SPATA7: variants seen among roughly 807,000 people sequenced by gnomAD.
SPATA7 encodes spermatogenesis-associated protein 7.
A neutral mutation model predicts 51.8 loss-of-function variants in SPATA7; 43 were observed. The ratio of observed to expected loss-of-function variants is 0.83; its 90% CI spans 0.65 to 1.07. SPATA7 has a LOEUF of 1.07. Ranked by LOEUF, SPATA7 falls within the 50% of genes least tolerant of loss-of-function variation. The pLI is 0.00. For synonymous variants in SPATA7, 230 were observed against 252.8 expected (o/e 0.91, Z 0.86); for missense variants, 683 against 701.3 (o/e 0.97, Z 0.30).
In SPATA7 at chr14:88,387,348, C is replaced by T. The variant is rs557954419; in HGVS notation, c.19+1511C>T. On this transcript the variant is annotated intron_variant, in intron 1 of 11. Transcript: ENST00000393545. The stretch of plus-strand genomic sequence containing the variant: ...TTTACAACTTGCACAATTTAATTAG[C>T]TTCATTTTTAGGAAATAATATATGA... Among the ~76,000 whole-genome samples, 5 of 152,178 alleles carry T rather than the reference C, an allele frequency of 3.3e-5. No individual in the cohort carries two copies. In the South Asian group the frequency reaches 6.2e-4, roughly 19 times the overall value.
At chr14:88,390,810 C>G (rs1014596734) in intron 1 of SPATA7, among the ~76,000 whole-genome samples, 2 of 152,124 alleles carry the variant, frequency 1.3e-5, no homozygotes, top group African/African-American at 4.8e-5. Context: ...AGGTCTTACC[C>G]TCCTTCTTTC....
chr14:88,463,907 G>A (rs2077334255), intron 4 of SPATA7, among the ~76,000 whole-genome samples: 1 of 152,094 alleles, frequency 6.6e-6, no homozygotes, highest in East Asian at 1.9e-4. Flanking sequence ...GAGTGCAGAG[G>A]CGAGATCTCG....
In SPATA7 at chr14:88,385,739, A is replaced by G; in HGVS notation, c.-80A>G. The G allele has an allele frequency of 7.1e-7, 1 of 1,401,522 alleles. No homozygotes were observed. Among genetic ancestry groups the G allele is most frequent in the South Asian group, 1.2e-5 (1 of 82,314 alleles). The allele number at this position is 1,401,522 out of a possible 1,614,324, so 86.8% of individuals were successfully genotyped here. On this transcript the variant is annotated 5_prime_UTR_variant, in exon 1 of 12. Transcript: ENST00000393545. ...GTCGGCTCCTCTTTTCCAGTCCTCC[A>G]CTGCCGGGGCTGGGCCCGGCCGCGG...
downstream of SPATA7, among the ~76,000 whole-genome samples, chr14:88,440,814 C>CTT (rs796854586): frequency 1.3e-5 from 2 of 148,778 alleles, no homozygotes; most frequent in African/African-American, 4.9e-5. Context: ...GCTGCTGCTA[C>CTT]TTTTTTTTTT....
chr14:88,470,068 TA>T lies in SPATA7; in HGVS notation c.*208del. ...ACAGAGACCTGGGATTAGAAAAGGTTAAAAAAATTGATGTGTGGGTATAATA... is the reference window on the plus strand; with the variant it reads ...ACAGAGACCTGGGATTAGAAAAGGTTAAAAAATTGATGTGTGGGTATAATA... On this transcript the variant is annotated 3_prime_UTR_variant, in exon 5 of 5. Coordinates refer to the SPATA7 transcript ENST00000556406. 5 of 1,608,934 alleles carry T rather than the reference TA, an allele frequency of 3.1e-6. 1 individual carries two copies. The highest frequency in any genetic ancestry group is 3.4e-6 in the Non-Finnish European group (4 of 1,175,620).
Position 88,426,645 on chromosome 14 carries a change from C to T in SPATA7, c.786C>T (p.Ala262=). 6.2e-7 allele frequency: 1 copy of T among 1,612,646 alleles called. No homozygotes were observed. Among genetic ancestry groups the T allele is most frequent in the Non-Finnish European group, 8.5e-7 (1 of 1,179,604 alleles). The part of the protein sequence containing the change: ...FLSQYRYYTP[A]KRKKDFTDQR... ...CACAGTATCGCTATTATACACCTGC[C>T]AAAAGAAAAAAGGATTTTACAGATC... is the stretch of plus-strand genomic sequence containing the variant. The change falls in exon 6 of 12, where the codon GCC becomes GCT. Residue 262 remains alanine (A), a synonymous_variant. Transcript: ENST00000393545.
intron 4 of SPATA7, among the ~76,000 whole-genome samples, chr14:88,414,177 C>G (rs1406318918): frequency 6.6e-6 from 1 of 152,092 alleles, no homozygotes. Flanking sequence ...GGCTGTGAAT[C>G]TCTCTGGTCC....
chr14:88,391,800 AG>A (rs1294717377), intron 2 of SPATA7: 1 of 294,086 alleles, frequency 3.4e-6, no homozygotes, highest in African/African-American at 2.2e-5. Context: ...GAAAAGGAAA[AG>A]CTGTGCAGAG....
At chr14:88,440,414 G>T (rs921765725), downstream of SPATA7, among the ~76,000 whole-genome samples, 1 of 152,200 alleles carries the variant, frequency 6.6e-6, no homozygotes. Context: ...TAAAAGGTGA[G>T]TTGATTTAAA....
intron 4 of SPATA7, among the ~76,000 whole-genome samples, chr14:88,414,202 T>C (rs1047589614): frequency 3.9e-5 from 6 of 152,082 alleles, no homozygotes; most frequent in Admixed American, 1.3e-4. Flanking sequence ...CTTTTTATGG[T>C]TGGTAGGTTT....
At chr14:88,456,059 C>A (rs1343850904), downstream of SPATA7, among the ~76,000 whole-genome samples, 1 of 152,090 alleles carries the variant, frequency 6.6e-6, no homozygotes, top group African/African-American at 2.4e-5. Context: ...ATGAACTCAT[C>A]ATTTTTTATG....
At chr14:88,419,746 CGATCTCCT>C (rs1325210629) in intron 5 of SPATA7, among the ~76,000 whole-genome samples, 1 of 151,940 alleles carries the variant, frequency 6.6e-6, no homozygotes, top group Non-Finnish European at 1.5e-5. Flanking sequence ...AGGATGGTCT[CGATCTCCT>C]GACCTCGTGA....
intron 4 of SPATA7, among the ~76,000 whole-genome samples, chr14:88,404,690 C>G (rs1417689026): frequency 2.0e-5 from 3 of 152,148 alleles, no homozygotes; most frequent in Admixed American, 6.5e-5. Context: ...GCACTCCAGC[C>G]TGGGCAACAA....
Position 88,437,832 on chromosome 14 carries a change from T to G in SPATA7, c.1216-6T>G. The G allele has an allele frequency of 6.3e-7, 1 of 1,585,886 alleles. No homozygotes were observed. The highest frequency in any genetic ancestry group is 8.5e-7 in the Non-Finnish European group (1 of 1,170,754). ...TGTAATTAGTCTCATCTTTTCTTAATCCTAGGAAAAAATGCGCCACCTGCT... is the reference window on the plus strand; with the variant it reads ...TGTAATTAGTCTCATCTTTTCTTAAGCCTAGGAAAAAATGCGCCACCTGCT... On this transcript the variant is annotated splice_polypyrimidine_tract_variant and splice_region_variant and intron_variant, in intron 11 of 11. Transcript: ENST00000393545.
downstream of SPATA7, among the ~76,000 whole-genome samples, chr14:88,441,137 T>C (rs138999171): frequency 0.026 from 3,938 of 152,206 alleles, 180 homozygotes; most frequent in African/African-American, 0.09. Context: ...TCCATCTAGG[T>C]TGCTGCAAAT....
At chr14:88,433,090 A>G (rs2076983316) in intron 9 of SPATA7, 45 bp from the exon 10 acceptor site, 2 of 1,451,578 alleles carry the variant, frequency 1.4e-6, no homozygotes, top group Middle Eastern at 1.7e-4. Flanking sequence ...TTTTCAGAAT[A>G]AGTAAGGAAT....
intron 9 of SPATA7, among the ~76,000 whole-genome samples, chr14:88,432,122 C>G (rs975526255): frequency 1.2e-4 from 19 of 152,156 alleles, no homozygotes; most frequent in African/African-American, 3.9e-4. Context: ...TAGAGAAATG[C>G]AGACTTTTAA....
At chr14:88,444,424 T>C (rs1487647497) in intron 3 of SPATA7, among the ~76,000 whole-genome samples, 2 of 149,868 alleles carry the variant, frequency 1.3e-5, no homozygotes, top group Non-Finnish European at 1.5e-5. Flanking sequence ...TTTTCTCCCA[T>C]TTTTTAGGTT....
intron 5 of SPATA7, among the ~76,000 whole-genome samples, chr14:88,418,825 T>C (rs1294259144): frequency 6.6e-6 from 1 of 152,220 alleles, no homozygotes; most frequent in Non-Finnish European, 1.5e-5. Context: ...TTTAGAACTA[T>C]TTCTTAATCT....
Sources: gnomAD v4.1 joint callset for allele counts (sites outside exome capture counted in the v4.1 genomes callset) on GRCh38, gnomAD v4.1.1 for gene constraint, MANE v1.5 for transcripts, NCBI Gene and HGNC (gene_info 2026-07-23, HGNC 2026-07-21) for gene names.